The following LINGO2 variants were observed in gnomAD, a reference collection of about 807,000 sequenced individuals.
LINGO2 encodes the protein leucine rich repeat and Ig domain containing 2.
LINGO2 carries 14 observed loss-of-function variants against 30.6 expected under a neutral mutation model. The ratio of observed to expected loss-of-function variants is 0.46; its 90% CI spans 0.30 to 0.72. The LOEUF is 0.72. Ranked by LOEUF, LINGO2 falls within the 30% of genes least tolerant of loss-of-function variation. The probability of loss-of-function intolerance (pLI) is 0.07; values close to 1 mark genes in which losing one functional copy is unlikely to be tolerated. For missense variants in LINGO2, 729 were observed against 751.7 expected, an observed-to-expected ratio of 0.97 and a Z score of 0.35; for synonymous variants, 317 against 288.5, an observed-to-expected ratio of 1.10 and a Z score of -1.00.
chr9:28,286,935 C>A (rs992288956), intron 4 of LINGO2, among the ~76,000 whole-genome samples: 3 of 152,106 alleles, frequency 2.0e-5, no homozygotes, highest in Non-Finnish European at 2.9e-5. Context: ...TGTAACAAAC[C>A]TGCACTTGTA....
At chr9:29,061,513 G>C in the LINGO2 span, among the ~76,000 whole-genome samples, 2 of 151,910 alleles carry the variant, frequency 1.3e-5, no homozygotes, top group Non-Finnish European at 2.9e-5. Flanking sequence ...ATAGAGTCTA[G>C]TCCAGAAATA....
At chr9:28,895,213 G>C in the LINGO2 span, among the ~76,000 whole-genome samples, 8 of 150,936 alleles carry the variant, frequency 5.3e-5, no homozygotes, top group Admixed American at 1.3e-4. Context: ...GAAAAAAACA[G>C]TGCAGGTTTA....
the LINGO2 span, among the ~76,000 whole-genome samples, chr9:29,158,546 G>T: frequency 1.0e-5 from 1 of 97,322 alleles, no homozygotes; most frequent in South Asian, 2.8e-4. Flanking sequence ...TTTCTCCAAA[G>T]CTCTCAAGTC....
At chr9:28,859,672 G>A in the LINGO2 span, among the ~76,000 whole-genome samples, 1 of 151,682 alleles carries the variant, frequency 6.6e-6, no homozygotes, top group African/African-American at 2.4e-5. Context: ...ATCAAAGCTA[G>A]GATCAGGAAC....
chr9:28,572,105 C>T (rs796715608), intron 1 of LINGO2, among the ~76,000 whole-genome samples: 1 of 152,110 alleles, frequency 6.6e-6, no homozygotes, highest in African/African-American at 2.4e-5. Context: ...GCATGTAAGT[C>T]CCTCCTTCAG....
At chr9:28,991,996 A>T in the LINGO2 span, among the ~76,000 whole-genome samples, 1 of 152,210 alleles carries the variant, frequency 6.6e-6, no homozygotes, top group Non-Finnish European at 1.5e-5. Context: ...TAATGACAGA[A>T]ACAAATTCAC....
chr9:29,204,189 A>G, the LINGO2 span, among the ~76,000 whole-genome samples: 2 of 152,190 alleles, frequency 1.3e-5, no homozygotes, highest in South Asian at 4.1e-4. Context: ...ATGAAGCAAA[A>G]TTAGGTAAAA....
At chr9:28,306,109 A>C (rs367677016) in intron 3 of LINGO2, among the ~76,000 whole-genome samples, 1 of 152,106 alleles carries the variant, frequency 6.6e-6, no homozygotes, top group African/African-American at 2.4e-5. Flanking sequence ...TGACACGTTC[A>C]ATGTAGGTTG....
intron 4 of LINGO2, among the ~76,000 whole-genome samples, chr9:28,236,579 A>G (rs550845537): frequency 3.3e-5 from 5 of 152,220 alleles, no homozygotes; most frequent in Non-Finnish European, 7.3e-5. Flanking sequence ...GTCATTTGCA[A>G]CAACATGGAC....
At chr9:28,085,617 A>G (rs1287572332) in intron 4 of LINGO2, among the ~76,000 whole-genome samples, 1 of 152,100 alleles carries the variant, frequency 6.6e-6, no homozygotes, top group Non-Finnish European at 1.5e-5. Context: ...CTCAGACCTC[A>G]CTGGAAAAGC....
At chr9:28,210,425 A>G (rs1820548180) in intron 4 of LINGO2, among the ~76,000 whole-genome samples, 1 of 151,704 alleles carries the variant, frequency 6.6e-6, no homozygotes, top group South Asian at 2.1e-4. Context: ...ATGTAGCTGT[A>G]AGAATAAAAA....
chr9:28,111,105 A>G (rs1352885474), intron 4 of LINGO2, among the ~76,000 whole-genome samples: 1 of 152,134 alleles, frequency 6.6e-6, no homozygotes, highest in Non-Finnish European at 1.5e-5. Flanking sequence ...ATGAAGCTGG[A>G]AGCCATCATT....
intron 3 of LINGO2, among the ~76,000 whole-genome samples, chr9:28,354,059 G>T (rs547641124): frequency 6.6e-6 from 1 of 152,010 alleles, no homozygotes; most frequent in Non-Finnish European, 1.5e-5. Flanking sequence ...GCTAGATGAC[G>T]AGTTAGTGGG....
intron 4 of LINGO2, among the ~76,000 whole-genome samples, chr9:28,153,467 T>C (rs1828053215): frequency 6.6e-6 from 1 of 152,214 alleles, no homozygotes; most frequent in Admixed American, 6.5e-5. Context: ...TACCTACTTA[T>C]TGATGTTCAG....
chr9:28,847,897 T>A, the LINGO2 span, among the ~76,000 whole-genome samples: 5 of 115,300 alleles, frequency 4.3e-5, no homozygotes, highest in Admixed American at 4.5e-4. Context: ...CATATATGTA[T>A]AGTATATATA....
the LINGO2 span, among the ~76,000 whole-genome samples, chr9:28,829,560 C>G: frequency 1.3e-5 from 2 of 152,308 alleles, no homozygotes; most frequent in African/African-American, 4.8e-5. Flanking sequence ...TTTGCTTTAT[C>G]AAATAATGAT....
At chr9:28,849,928 T>C in the LINGO2 span, among the ~76,000 whole-genome samples, 1 of 151,980 alleles carries the variant, frequency 6.6e-6, no homozygotes, top group Non-Finnish European at 1.5e-5. Context: ...AATGTCACCT[T>C]AGGGTGAGAC....
At chr9:28,388,502 G>A (rs1821691896) in intron 2 of LINGO2, among the ~76,000 whole-genome samples, 1 of 152,120 alleles carries the variant, frequency 6.6e-6, no homozygotes, top group Non-Finnish European at 1.5e-5. Flanking sequence ...ATGGCAATTT[G>A]TTTCCCAAAT....
intron 4 of LINGO2, among the ~76,000 whole-genome samples, chr9:28,126,159 GATATC>G (rs1220773374): frequency 1.3e-5 from 2 of 152,152 alleles, no homozygotes; most frequent in Admixed American, 6.5e-5. Flanking sequence ...CAAGGAATGT[GATATC>G]ATATTCTGTG....
Sources: gnomAD v4.1 joint callset for allele counts (sites outside exome capture counted in the v4.1 genomes callset) on GRCh38, gnomAD v4.1.1 for gene constraint, MANE v1.5 for transcripts, NCBI Gene and HGNC (gene_info 2026-07-23, HGNC 2026-07-21) for gene names.